VMP1: variants seen among roughly 807,000 people sequenced by gnomAD.
VMP1 encodes ectopic P-granules autophagy protein 3 homolog.
VMP1 carries 11 observed loss-of-function variants against 56.0 expected under a neutral mutation model. That is an observed-to-expected ratio of 0.20 (90% CI 0.12 to 0.32). The LOEUF (loss-of-function observed/expected upper bound fraction) is 0.32, where lower values mean the gene tolerates loss of function less well. Ranked by LOEUF, VMP1 falls within the 10% of genes least tolerant of loss-of-function variation. VMP1 has a pLI of 1.00. For missense variants in VMP1, 296 were observed against 490.3 expected, an observed-to-expected ratio of 0.60 and a Z score of 3.74; for synonymous variants, 149 against 165.0, an observed-to-expected ratio of 0.90 and a Z score of 0.74.
chr17:59,828,463 CA>C (rs2038711314), intron 10 of VMP1, among the ~76,000 whole-genome samples: 2 of 152,178 alleles, frequency 1.3e-5, no homozygotes, highest in African/African-American at 4.8e-5. Context: ...CCCATGGTGT[CA>C]TGTGTTCATA....
At chr17:59,717,035 A>G (rs762684241) in intron 1 of VMP1, among the ~76,000 whole-genome samples, 1 of 151,584 alleles carries the variant, frequency 6.6e-6, no homozygotes, top group Non-Finnish European at 1.5e-5. Context: ...GCTGGAGTAC[A>G]GCGTTGCGAT....
chr17:59,792,053 C>T (rs957606285), intron 7 of VMP1, among the ~76,000 whole-genome samples: 1 of 152,118 alleles, frequency 6.6e-6, no homozygotes, highest in Non-Finnish European at 1.5e-5. Flanking sequence ...AGGAGGATCA[C>T]TTGAGCCAAG....
At chr17:59,715,053 A>G (rs1247158868) in intron 1 of VMP1, among the ~76,000 whole-genome samples, 2 of 152,220 alleles carry the variant, frequency 1.3e-5, no homozygotes, top group African/African-American at 4.8e-5. Flanking sequence ...TGTCATGATT[A>G]CTGTAGATTT....
At chr17:59,749,108 C>A (rs76034558) in intron 5 of VMP1, among the ~76,000 whole-genome samples, 1 of 150,484 alleles carries the variant, frequency 6.6e-6, no homozygotes, top group Non-Finnish European at 1.5e-5. Context: ...CGCTACTACG[C>A]CTGGCTATTT....
At chr17:59,718,845 C>A (rs915169623) in intron 1 of VMP1, among the ~76,000 whole-genome samples, 4 of 151,936 alleles carry the variant, frequency 2.6e-5, no homozygotes, top group Non-Finnish European at 4.4e-5. Context: ...CTCCCCAAGA[C>A]CTTAGAAAGT....
At chr17:59,749,911 G>T (rs1033727336) in intron 5 of VMP1, among the ~76,000 whole-genome samples, 2 of 152,072 alleles carry the variant, frequency 1.3e-5, no homozygotes, top group African/African-American at 4.8e-5. Flanking sequence ...ATCATCCTAG[G>T]TTTTACATGA....
intron 10 of VMP1, among the ~76,000 whole-genome samples, chr17:59,822,130 C>T (rs915149146): frequency 6.6e-6 from 1 of 152,104 alleles, no homozygotes; most frequent in African/African-American, 2.4e-5. Context: ...GAGTGAGCCA[C>T]TGTGCCCGGC....
rs1448638945 is a variant in VMP1, at chr17:59,807,568, C to T, written c.715-1228C>T. 4.6e-5 allele frequency among the ~76,000 whole-genome samples: 7 copies of T among 151,986 alleles called. No individual in the cohort carries two copies. In the East Asian group the frequency reaches 1.2e-3, roughly 25 times the overall value. On this transcript the variant is annotated intron_variant, in intron 7 of 11. Transcript: ENST00000262291. ...GAACTAAAGGCCGGGTGTAGTGGCT[C>T]ATGCCTGTAATCTTGGCACTTTGGG...
chr17:59,835,547 A>G (rs1376706880), intron 10 of VMP1, among the ~76,000 whole-genome samples: 1 of 150,706 alleles, frequency 6.6e-6, no homozygotes, highest in Non-Finnish European at 1.5e-5. Context: ...CTGGAGTGCA[A>G]TGGCATGATC....
At chr17:59,796,354 C>T (rs888271783) in intron 7 of VMP1, among the ~76,000 whole-genome samples, 1 of 152,164 alleles carries the variant, frequency 6.6e-6, no homozygotes, top group Non-Finnish European at 1.5e-5. Flanking sequence ...TGTGATTTAG[C>T]GTTGTGTTCT....
At chr17:59,733,909 A>G (rs2034923864) in intron 2 of VMP1, among the ~76,000 whole-genome samples, 1 of 152,176 alleles carries the variant, frequency 6.6e-6, no homozygotes, top group African/African-American at 2.4e-5. Context: ...AAAAGTATTA[A>G]CTAACTTGCC....
chr17:59,780,955 A>G (rs1210260058), intron 7 of VMP1, among the ~76,000 whole-genome samples: 2 of 151,954 alleles, frequency 1.3e-5, no homozygotes, highest in African/African-American at 4.8e-5. Flanking sequence ...GTGGCTTATG[A>G]TAGATTTCAG....
At chr17:59,760,338 G>A (rs770411328) in intron 5 of VMP1, among the ~76,000 whole-genome samples, 3 of 151,486 alleles carry the variant, frequency 2.0e-5, no homozygotes, top group East Asian at 3.9e-4. Context: ...CTCATATGTC[G>A]TAAATCCACA....
chr17:59,812,286 C>T lies in VMP1; in HGVS notation c.912+500C>T, dbSNP rs1598429656. On this transcript the variant is annotated intron_variant, in intron 9 of 11. Transcript: ENST00000262291. ...ACCAATATCCTTTACCGAAAAACAG[C>T]CAGATGTTAGTGTGGGAGGAGAATG... 2.6e-5 allele frequency among the ~76,000 whole-genome samples: 4 copies of T among 152,166 alleles called. No individual in the cohort carries two copies. In the South Asian group the frequency reaches 6.2e-4, roughly 24 times the overall value.
chr17:59,719,036 T>C (rs1252367813), intron 1 of VMP1, among the ~76,000 whole-genome samples: 1 of 152,206 alleles, frequency 6.6e-6, no homozygotes, highest in Non-Finnish European at 1.5e-5. Context: ...GAATTATCTT[T>C]GGCCTTATAC....
intron 10 of VMP1, among the ~76,000 whole-genome samples, chr17:59,820,062 T>G (rs2038386337): frequency 6.6e-6 from 1 of 152,212 alleles, no homozygotes; most frequent in Non-Finnish European, 1.5e-5. Flanking sequence ...AATTTTAATC[T>G]GAGCATATCA....
chr17:59,808,876 A>G lies in VMP1; in HGVS notation c.795A>G (p.Ser265=). 4 of 1,613,514 alleles carry G rather than the reference A, an allele frequency of 2.5e-6. No homozygotes were observed. Among genetic ancestry groups the G allele is most frequent in the Non-Finnish European group, 3.4e-6 (4 of 1,179,506 alleles). Residue 265 remains serine, a splice_region_variant and synonymous_variant, in exon 8 of 12, where the codon TCA becomes TCG. Transcript: ENST00000262291. The part of the protein sequence containing the change: ...VGFFGILACA[S]IPNPLFDLAG... The stretch of plus-strand genomic sequence containing the variant: ...TTTTTGGAATTTTGGCCTGTGCTTC[A>G]GTAAGTGAATTGTATTAAAACAGAA...
chr17:59,819,528 A>G (rs1288885379), intron 10 of VMP1, among the ~76,000 whole-genome samples: 14 of 152,284 alleles, frequency 9.2e-5, no homozygotes, highest in African/African-American at 3.1e-4. Context: ...ATCTCAGCTC[A>G]CTACAACCTC....
chr17:59,777,917 TG>T (rs1394643460), intron 7 of VMP1, among the ~76,000 whole-genome samples: 1 of 152,108 alleles, frequency 6.6e-6, no homozygotes, highest in Admixed American at 6.5e-5. Flanking sequence ...TTTGGGGAAA[TG>T]TTCTTGTATT....
Sources: allele counts gnomAD v4.1 joint callset (sites outside exome capture counted in the v4.1 genomes callset), GRCh38; gene constraint gnomAD v4.1.1; transcripts MANE v1.5; gene names NCBI Gene and HGNC (gene_info 2026-07-23, HGNC 2026-07-21).